Variants in PRKCZ observed in about 807,000 individuals in gnomAD.
The protein encoded by PRKCZ is protein kinase C zeta type.
In PRKCZ, 33 loss-of-function variants were observed where a neutral mutation model predicts 79.5. The ratio of observed to expected loss-of-function variants is 0.41; its 90% CI spans 0.31 to 0.55. The LOEUF is 0.55. PRKCZ is among the 20% of genes least tolerant of loss of function. PRKCZ has a pLI of 0.19. For missense variants in PRKCZ, 578 were observed against 813.5 expected (o/e 0.71, Z 3.52); for synonymous variants, 342 against 320.9 (o/e 1.07, Z -0.70).
intron 4 of PRKCZ, among the ~76,000 whole-genome samples, chr1:2,096,085 T>A (rs1368835484): frequency 6.6e-6 from 1 of 150,966 alleles, no homozygotes; most frequent in Non-Finnish European, 1.5e-5. Context: ...GCAGGCATAG[T>A]CCCAGGGAGC....
At position 2,135,193 on chromosome 1, in the gene PRKCZ, G is replaced by A. The variant is rs962291903; in HGVS notation, c.335-69G>A. 27 of 1,380,616 alleles carry A rather than the reference G, an allele frequency of 2.0e-5. No individual in the cohort carries two copies. The Middle Eastern group carries it at 7.4e-4, about 38-fold the overall frequency. 85.5% of individuals were successfully genotyped at this position (1,380,616 alleles called of 1,614,324 possible). A position where few individuals can be genotyped will look rare whatever the true frequency, so the allele number is the denominator to read the frequency against. On this transcript the variant is annotated intron_variant, in intron 4 of 17. Coordinates refer to ENST00000378567, the MANE Select transcript of PRKCZ (RefSeq NM_002744.6). ...ACCACCTGGACGGGAGTGGCCTGTC[G>A]CAGCTGCACCCTGCGTGGGCTCGTG...
intron 4 of PRKCZ, among the ~76,000 whole-genome samples, chr1:2,117,617 T>G (rs1671006621): frequency 6.6e-6 from 1 of 152,200 alleles, no homozygotes; most frequent in South Asian, 2.1e-4. Flanking sequence ...CTCTCGTGCC[T>G]GATTTCAGGG....
intron 4 of PRKCZ, among the ~76,000 whole-genome samples, chr1:2,126,173 C>T (rs996543228): frequency 3.9e-5 from 6 of 152,200 alleles, no homozygotes; most frequent in Non-Finnish European, 8.8e-5. Flanking sequence ...ACCAGAGACC[C>T]GGATGCCAAG....
chr1:2,077,494 G>C (rs754411418), intron 4 of PRKCZ, among the ~76,000 whole-genome samples: 4 of 152,210 alleles, frequency 2.6e-5, no homozygotes, highest in Non-Finnish European at 4.4e-5. Context: ...GTGTAGACAG[G>C]CCAGGCCTGG....
intron 10 of PRKCZ, among the ~76,000 whole-genome samples, chr1:2,161,828 G>A (rs946011008): frequency 6.6e-6 from 1 of 152,042 alleles, no homozygotes; most frequent in Non-Finnish European, 1.5e-5. Flanking sequence ...GGATAGGGGT[G>A]GCAGCCCTGG....
intron 5 of PRKCZ, among the ~76,000 whole-genome samples, chr1:2,139,709 G>A (rs962261351): frequency 6.6e-6 from 1 of 152,220 alleles, no homozygotes; most frequent in Admixed American, 6.5e-5. Context: ...TGGAAATCAC[G>A]CAGAAATGTG....
At chr1:2,119,118 A>T (rs115594388) in intron 4 of PRKCZ, among the ~76,000 whole-genome samples, 1,728 of 151,870 alleles carry the variant, frequency 0.011, 37 homozygotes, top group African/African-American at 0.037. Flanking sequence ...TTTAATGGCT[A>T]CCTTAGAAAT....
In PRKCZ at chr1:2,172,912, C is replaced by T. The variant is rs1388931977; in HGVS notation, c.1285+524C>T. ...AAACGGGGACGTGGGCACGCGTGTG[C>T]AGCCGTGTGTGCGTGTGTGAAACGG... On this transcript the variant is annotated intron_variant, in intron 13 of 17. Transcript: ENST00000378567. This position sits in a 1 kb window ranked among gnomAD's most constrained non-coding sequence, Gnocchi z 7.8. Among the ~76,000 whole-genome samples, 1 of 151,986 alleles carries T rather than the reference C, an allele frequency of 6.6e-6. No individual in the cohort carries two copies. The highest frequency in any genetic ancestry group is 1.5e-5 in the Non-Finnish European group (1 of 67,986).
Position 2,050,696 on chromosome 1 carries a change from C to A in PRKCZ, c.66C>A (p.Tyr22Ter). ...GCCGCGTCCGCCTCAAGGCGCATTACGGGGGGTGAGCGGCGGAGAGGGCGG... is the reference window on the plus strand; with the variant it reads ...GCCGCGTCCGCCTCAAGGCGCATTAAGGGGGGTGAGCGGCGGAGAGGGCGG... ...SGGRVRLKAH[Y>*]GGDIFITSVD... The change falls in exon 1 of 18, where the codon TAC (tyrosine) becomes TAA (stop). Residue 22 changes from tyrosine to a stop codon, truncating the protein, a stop_gained. Transcript: ENST00000378567. LOFTEE classifies it high-confidence loss of function. 8.7e-7 allele frequency: 1 copy of A among 1,149,320 alleles called. No individual in the cohort carries two copies. The highest frequency in any genetic ancestry group is 1.6e-5 in the African/African-American group (1 of 61,864). 71.2% of individuals were successfully genotyped at this position (1,149,320 alleles called of 1,614,324 possible).
chr1:2,133,206 G>A (rs1235315524), intron 4 of PRKCZ, among the ~76,000 whole-genome samples: 1 of 152,108 alleles, frequency 6.6e-6, no homozygotes, highest in Non-Finnish European at 1.5e-5. Flanking sequence ...AGCCAGCTTC[G>A]ACCCCCAGCT....
intron 6 of PRKCZ, chr1:2,144,581 T>C: frequency 1.5e-6 from 2 of 1,375,962 alleles, no homozygotes; most frequent in Non-Finnish European, 1.9e-6. Flanking sequence ...GGCAGCAGGC[T>C]CAGGTAGGAC....
intron 4 of PRKCZ, among the ~76,000 whole-genome samples, chr1:2,120,934 C>T (rs1344658735): frequency 6.6e-6 from 1 of 150,958 alleles, no homozygotes; most frequent in Non-Finnish European, 1.5e-5. Flanking sequence ...CTGCCCCAGC[C>T]TCCCAAGCAG....
intron 10 of PRKCZ, among the ~76,000 whole-genome samples, chr1:2,162,742 C>A (rs1322743063): frequency 2.6e-5 from 4 of 152,184 alleles, no homozygotes. Flanking sequence ...GCCACGGTGC[C>A]TGGCCACTTC....
chr1:2,115,176 C>G (rs1324715542), intron 4 of PRKCZ, among the ~76,000 whole-genome samples: 1 of 152,250 alleles, frequency 6.6e-6, no homozygotes, highest in African/African-American at 2.4e-5. Context: ...TCAGTCGGGC[C>G]CCTGTGTGGG....
chr1:2,140,483 T>A (rs1677098035), intron 5 of PRKCZ, among the ~76,000 whole-genome samples: 1 of 151,794 alleles, frequency 6.6e-6, no homozygotes, highest in Admixed American at 6.6e-5. Flanking sequence ...TGAAACACTG[T>A]CTCTACTAAA....
Position 2,081,709 on chromosome 1 carries a change from A to C in PRKCZ, c.334+22118A>C, listed in dbSNP as rs950786592. ...ATACTCTTCTCCCAGCTGAGTTGGCAGTGCCGTAGGGTCAGCAGCCCAGGC... is the reference window on the plus strand; with the variant it reads ...ATACTCTTCTCCCAGCTGAGTTGGCCGTGCCGTAGGGTCAGCAGCCCAGGC... On this transcript the variant is annotated intron_variant, in intron 4 of 17. Coordinates refer to ENST00000378567, the MANE Select transcript of PRKCZ (RefSeq NM_002744.6). 4.6e-5 allele frequency among the ~76,000 whole-genome samples: 7 copies of C among 152,248 alleles called. No individual in the cohort carries two copies. In the East Asian group the frequency reaches 5.8e-4, roughly 13 times the overall value.
At chr1:2,101,676 C>G (rs1667463654) in intron 4 of PRKCZ, among the ~76,000 whole-genome samples, 1 of 152,138 alleles carries the variant, frequency 6.6e-6, no homozygotes, top group Non-Finnish European at 1.5e-5. Flanking sequence ...AGAGCACCTC[C>G]CCTGGGGGTT....
Position 2,149,167 on chromosome 1 carries a change from G to C in PRKCZ, c.687+243G>C, listed in dbSNP as rs760955898. On this transcript the variant is annotated intron_variant, in intron 8 of 17. Transcript: ENST00000378567. This position sits in a 1 kb window ranked among gnomAD's most constrained non-coding sequence, Gnocchi z 4.1. ...AGGTGGTCTGGGGACCACACCCTGCGGGGGAAGCCGTGCCCCACATCCTCT... is the reference window on the plus strand; with the variant it reads ...AGGTGGTCTGGGGACCACACCCTGCCGGGGAAGCCGTGCCCCACATCCTCT... Among the ~76,000 whole-genome samples the C allele has an allele frequency of 6.6e-6, 1 of 152,250 alleles. No homozygotes were observed. The highest frequency in any genetic ancestry group is 2.4e-5 in the African/African-American group (1 of 41,470).
At chr1:2,068,272 C>T (rs1254211630) in intron 4 of PRKCZ, among the ~76,000 whole-genome samples, 3 of 152,216 alleles carry the variant, frequency 2.0e-5, no homozygotes, top group African/African-American at 7.2e-5. Flanking sequence ...TCAGAGACCC[C>T]CCGCCTTCCT....
Sources: gnomAD v4.1 joint callset for allele counts (sites outside exome capture counted in the v4.1 genomes callset) on GRCh38, gnomAD v4.1.1 for gene constraint, Gnocchi (gnomAD v3.1) non-coding constraint, MANE v1.5 for transcripts, NCBI Gene and HGNC (gene_info 2026-07-23, HGNC 2026-07-21) for gene names.